DYNC2I1: variants seen among roughly 807,000 people sequenced by gnomAD.
DYNC2I1 encodes cytoplasmic dynein 2 intermediate chain 1.
In DYNC2I1, 89 loss-of-function variants were observed where a neutral mutation model predicts 133.4. The ratio of observed to expected loss-of-function variants is 0.67; its 90% CI spans 0.56 to 0.80. DYNC2I1 has a LOEUF of 0.80. Ranked by LOEUF, DYNC2I1 falls within the 30% of genes least tolerant of loss-of-function variation. The probability of loss-of-function intolerance (pLI) is 0.00; values close to 1 mark genes in which losing one functional copy is unlikely to be tolerated. For missense variants in DYNC2I1, 1,291 were observed against 1,314.5 expected, an observed-to-expected ratio of 0.98 and a Z score of 0.28; for synonymous variants, 504 against 484.3, an observed-to-expected ratio of 1.04 and a Z score of -0.54.
At chr7:158,875,132 A>G (rs1367799978) in intron 3 of DYNC2I1, among the ~76,000 whole-genome samples, 2 of 122,180 alleles carry the variant, frequency 1.6e-5, no homozygotes, top group Non-Finnish European at 3.2e-5. Context: ...GTCTCGCTCT[A>G]TTGTCCAGGC....
intron 1 of DYNC2I1, among the ~76,000 whole-genome samples, chr7:158,866,048 C>G (rs1221729729): frequency 1.3e-5 from 2 of 152,188 alleles, no homozygotes; most frequent in Non-Finnish European, 2.9e-5. Context: ...CCTGTGATCT[C>G]TGTCAGAGAC....
At chr7:158,910,122 G>T (rs1847247395) in intron 11 of DYNC2I1, among the ~76,000 whole-genome samples, 1 of 152,268 alleles carries the variant, frequency 6.6e-6, no homozygotes, top group Admixed American at 6.5e-5. Context: ...CCAGTGAGGA[G>T]TAACAAACAA....
chr7:158,939,167 T>C (rs1851078477), intron 23 of DYNC2I1, among the ~76,000 whole-genome samples: 1 of 152,138 alleles, frequency 6.6e-6, no homozygotes, highest in Non-Finnish European at 1.5e-5. Context: ...CTGGGGCTTA[T>C]GCCTATAATC....
chr7:158,859,029 T>G (rs1841628442), intron 1 of DYNC2I1, among the ~76,000 whole-genome samples: 1 of 130,640 alleles, frequency 7.7e-6, no homozygotes, highest in Non-Finnish European at 1.6e-5. Flanking sequence ...AGAGTCTTGC[T>G]CTTTCACCCA....
intron 4 of DYNC2I1, among the ~76,000 whole-genome samples, chr7:158,956,416 C>T (rs899388930): frequency 6.6e-6 from 1 of 152,192 alleles, no homozygotes. Flanking sequence ...ACAGTTAAAG[C>T]GGCAGCGGAG....
At chr7:158,943,203 T>C (rs1333476745) in intron 24 of DYNC2I1, among the ~76,000 whole-genome samples, 9 of 152,220 alleles carry the variant, frequency 5.9e-5, no homozygotes, top group African/African-American at 1.9e-4. Context: ...GTTATTCTGA[T>C]TATTAAAAAA....
chr7:158,882,999 G>T (rs923399914), intron 5 of DYNC2I1, among the ~76,000 whole-genome samples: 4 of 151,616 alleles, frequency 2.6e-5, no homozygotes, highest in Admixed American at 2.6e-4. Context: ...CAAAACTTTT[G>T]AGTACTTTTG....
At chr7:158,848,867 A>G in the DYNC2I1 span, among the ~76,000 whole-genome samples, 1,302 of 151,928 alleles carry the variant, frequency 8.6e-3, 11 homozygotes, top group African/African-American at 0.028. Context: ...AGCTTGCAGT[A>G]AGCTGAGATT....
intron 12 of DYNC2I1, among the ~76,000 whole-genome samples, chr7:158,912,711 C>T (rs1396694847): frequency 6.6e-6 from 1 of 152,144 alleles, no homozygotes; most frequent in Admixed American, 6.5e-5. Flanking sequence ...TTTTGCAAAA[C>T]CAGCATGTCC....
intron 23 of DYNC2I1, among the ~76,000 whole-genome samples, chr7:158,938,191 A>G (rs1010673009): frequency 2.6e-5 from 4 of 152,246 alleles, no homozygotes; most frequent in African/African-American, 9.6e-5. Flanking sequence ...CTCAAAGGTG[A>G]AGGAGAAAGA....
intron 2 of DYNC2I1, among the ~76,000 whole-genome samples, chr7:158,870,898 C>T (rs1842817498): frequency 6.6e-6 from 1 of 152,106 alleles, no homozygotes; most frequent in Non-Finnish European, 1.5e-5. Context: ...TGTGAATGTC[C>T]ATGATATTGG....
rs2129486575 is a variant in DYNC2I1, at chr7:158,922,475, A to G, written c.2020A>G (p.Ser674Gly). 1 of 1,613,978 alleles carries G rather than the reference A, an allele frequency of 6.2e-7. No homozygotes were observed. Among genetic ancestry groups the G allele is most frequent in the Non-Finnish European group, 8.5e-7 (1 of 1,179,880 alleles). ...PEKSFVPLLD[S>G]KYVLCVWDIW... Reference sequence around the variant, plus strand: ...GAAGAGCTTTGTGCCCCTGCTGGACAGCAAATACGTCCTCTGTGTGTGGGA... The same window carrying G: ...GAAGAGCTTTGTGCCCCTGCTGGACGGCAAATACGTCCTCTGTGTGTGGGA... The change falls in exon 16 of 25, where the codon AGC (serine) becomes GGC (glycine). Residue 674 changes from serine to glycine, a missense_variant. Ser to Gly is a moderately conservative substitution (Grantham distance 56). Transcript: ENST00000407559.
chr7:158,884,510 A>G (rs143628395), intron 5 of DYNC2I1, 54 bp from the exon 6 acceptor site: 16,684 of 1,543,828 alleles, frequency 0.011, 123 homozygotes, highest in Non-Finnish European at 0.013. Context: ...AATTATGCTT[A>G]CTTCATTCCG....
In DYNC2I1 at chr7:158,934,362, A is replaced by G. The variant is rs545646126; in HGVS notation, c.2647-56A>G. ...AAATTGTTTGAGGAACAGTAGCTGT[A>G]TCCAATCTCGTGTGTAATGCACTCG... On this transcript the variant is annotated intron_variant, in intron 22 of 24. Coordinates refer to ENST00000407559, the MANE Select transcript of DYNC2I1 (RefSeq NM_018051.5). The G allele has an allele frequency of 3.6e-5, 56 of 1,576,798 alleles. 1 individual carries two copies. The South Asian group carries it at 6.4e-4, about 18-fold the overall frequency.
chr7:158,914,155 G>A, intron 13 of DYNC2I1, 78 bp from the exon 14 acceptor site: 3 of 1,208,588 alleles, frequency 2.5e-6, no homozygotes, highest in African/African-American at 1.5e-5. Flanking sequence ...TGTTAGGCCT[G>A]TTTGAACTCT....
Position 158,932,563 on chromosome 7 carries a change from C to CCGA in DYNC2I1, c.2547-1564_2547-1563insACG, listed in dbSNP as rs141809478. Among the ~76,000 whole-genome samples the CCGA allele has an allele frequency of 0.012, 1,780 of 151,946 alleles. 64 individuals are homozygous for CCGA. In the East Asian group the frequency reaches 0.12, roughly 11 times the overall value. On this transcript the variant is annotated intron_variant, in intron 21 of 24. Transcript: ENST00000407559. ...AGTCAGGCCCTAACGAGTCTGTCTG[C>CCGA]CGTGCTAAAGGGTGTGGACATTAGC...
intron 8 of DYNC2I1, among the ~76,000 whole-genome samples, chr7:158,894,137 G>A (rs547846502): frequency 4.3e-4 from 65 of 151,584 alleles, no homozygotes; most frequent in African/African-American, 1.5e-3. Flanking sequence ...ATATCATACC[G>A]CATATCCTAC....
chr7:158,912,596 T>G (rs544417183), intron 12 of DYNC2I1, among the ~76,000 whole-genome samples: 1 of 152,344 alleles, frequency 6.6e-6, no homozygotes, highest in South Asian at 2.1e-4. Flanking sequence ...TGATTCACTC[T>G]GACCTTAAGT....
chr7:158,950,744 T>C (rs1273265995), downstream of DYNC2I1, among the ~76,000 whole-genome samples: 1 of 148,062 alleles, frequency 6.8e-6, no homozygotes, highest in Admixed American at 6.7e-5. Context: ...AGGTGTGATA[T>C]ACTGCATGGG....
Sources: allele counts gnomAD v4.1 joint callset (sites outside exome capture counted in the v4.1 genomes callset), GRCh38; gene constraint gnomAD v4.1.1; transcripts MANE v1.5; gene names NCBI Gene and HGNC (gene_info 2026-07-23, HGNC 2026-07-21).